The following CADM3 variants were observed in gnomAD, a reference collection of about 807,000 sequenced individuals.
The protein encoded by CADM3 is TSLC1-like 1.
CADM3 carries 11 observed loss-of-function variants against 44.9 expected under a neutral mutation model. The observed-to-expected ratio is 0.25, with a 90% confidence interval of 0.15 to 0.41. The LOEUF (loss-of-function observed/expected upper bound fraction) is 0.41, where lower values mean the gene tolerates loss of function less well. Ranked by LOEUF, CADM3 falls within the 10% of genes least tolerant of loss-of-function variation. The pLI, the probability that CADM3 is intolerant of heterozygous loss-of-function variation, is 1.00. For missense variants in CADM3, 426 were observed against 512.0 expected (o/e 0.83, Z 1.62); for synonymous variants, 207 against 205.2 (o/e 1.01, Z -0.08).
chr1:159,174,530 C>T (rs1648946508), intron 1 of CADM3, among the ~76,000 whole-genome samples: 2 of 152,164 alleles, frequency 1.3e-5, no homozygotes, highest in Non-Finnish European at 2.9e-5. Flanking sequence ...GGTAGCATAC[C>T]TATTCCCATT....
chr1:159,193,727 C>A, intron 4 of CADM3, 143 bp from the exon 5 acceptor site: 1 of 1,417,030 alleles, frequency 7.1e-7, no homozygotes. Context: ...CTACATTCTC[C>A]CTGCCACAAC....
At chr1:159,191,352 C>T (rs899576082) in intron 1 of CADM3, among the ~76,000 whole-genome samples, 4 of 152,094 alleles carry the variant, frequency 2.6e-5, no homozygotes, top group African/African-American at 7.2e-5. Flanking sequence ...TATTGTTAGA[C>T]GAATTGAAAT....
intron 5 of CADM3, 162 bp downstream of exon 5, chr1:159,194,202 T>C (rs1340194051): frequency 3.0e-6 from 2 of 661,846 alleles, no homozygotes; most frequent in Non-Finnish European, 5.0e-6. Flanking sequence ...GCAAACTCTT[T>C]ACAGAGGGCC....
intron 1 of CADM3, among the ~76,000 whole-genome samples, chr1:159,186,717 C>A (rs1015441659): frequency 2.0e-5 from 3 of 152,026 alleles, no homozygotes; most frequent in African/African-American, 7.3e-5. Context: ...TATAAAATGA[C>A]AGGATAACTT....
At chr1:159,197,309 T>A in intron 7 of CADM3, 1 of 430,158 alleles carries the variant, frequency 2.3e-6, no homozygotes. Flanking sequence ...GTGGCCTGGG[T>A]GACACCATCT....
rs1650268426 is a variant in CADM3, at chr1:159,202,557, T to A, written c.*1635T>A. ...CCCCACCCTTCCTTTTGATTTCCTG[T>A]CTTCCTTCTCGTGGCCCCAGCTGGT... On this transcript the variant is annotated 3_prime_UTR_variant, in exon 9 of 9. Transcript: ENST00000368125. 6.6e-6 allele frequency: 1 copy of A among 152,574 alleles called. No homozygotes were observed. Among genetic ancestry groups the A allele is most frequent in the Non-Finnish European group, 1.5e-5 (1 of 68,338 alleles). 9.5% of individuals were successfully genotyped at this position (152,574 alleles called of 1,614,324 possible). A position where few individuals can be genotyped will look rare whatever the true frequency, so the allele number is the denominator to read the frequency against.
chr1:159,193,409 C>T lies in CADM3; in HGVS notation c.383-14C>T, dbSNP rs1466874475. On this transcript the variant is annotated splice_polypyrimidine_tract_variant and intron_variant, in intron 3 of 8. Coordinates refer to ENST00000368125, the MANE Select transcript of CADM3 (RefSeq NM_001127173.3). ...CCTCTCCTTCCTATCCTGGCCATCC[C>T]CTATCCATGGCAGGAATTCCACAGA... The T allele has an allele frequency of 1.3e-6, 2 of 1,581,426 alleles. No individual in the cohort carries two copies. The highest frequency in any genetic ancestry group is 1.3e-5 in the African/African-American group (1 of 74,386).
At chr1:159,183,676 A>T (rs1471158159) in intron 1 of CADM3, among the ~76,000 whole-genome samples, 1 of 152,134 alleles carries the variant, frequency 6.6e-6, no homozygotes, top group Non-Finnish European at 1.5e-5. Context: ...TGAAAAAGGA[A>T]AAAATAGTAT....
intron 1 of CADM3, among the ~76,000 whole-genome samples, chr1:159,173,757 A>G (rs1323849052): frequency 6.6e-6 from 1 of 152,196 alleles, no homozygotes; most frequent in Non-Finnish European, 1.5e-5. Flanking sequence ...AGCAATGGGA[A>G]CTGATGGTGC....
At chr1:159,200,554 A>G (rs979311913) in intron 8 of CADM3, among the ~76,000 whole-genome samples, 1 of 112,382 alleles carries the variant, frequency 8.9e-6, no homozygotes, top group South Asian at 2.6e-4. Flanking sequence ...ACACACACAC[A>G]CTTCTCTTTC....
intron 1 of CADM3, among the ~76,000 whole-genome samples, chr1:159,188,164 C>T (rs1158169800): frequency 1.3e-5 from 2 of 151,916 alleles, no homozygotes; most frequent in Non-Finnish European, 2.9e-5. Flanking sequence ...GCCAGGGAAC[C>T]TCCGCAGCTG....
chr1:159,179,041 G>A (rs969276943), intron 1 of CADM3, among the ~76,000 whole-genome samples: 1 of 152,168 alleles, frequency 6.6e-6, no homozygotes, highest in African/African-American at 2.4e-5. Context: ...TTATCTCTAT[G>A]AGCGAGGCTT....
Position 159,193,451 on chromosome 1 carries a change from T to C in CADM3, c.411T>C (p.Gly137=). The C allele has an allele frequency of 6.2e-7, 1 of 1,610,256 alleles. No homozygotes were observed. Among genetic ancestry groups the C allele is most frequent in the Non-Finnish European group, 8.5e-7 (1 of 1,177,302 alleles). ...LGIPQKPIIT[G]YKSSLREKDT... ...TTCCACAGAAGCCCATCATCACTGG[T>C]TATAAATCTTCATTACGGGAAAAAG... is the stretch of plus-strand genomic sequence containing the variant. Residue 137 remains glycine (G), a synonymous_variant, in exon 4 of 9, where the codon GGT becomes GGC. Transcript: ENST00000368125.
chr1:159,192,995 T>C (rs565161622), intron 3 of CADM3, among the ~76,000 whole-genome samples: 2 of 152,328 alleles, frequency 1.3e-5, no homozygotes, highest in Admixed American at 6.5e-5. Flanking sequence ...TCATACCCCT[T>C]CTACTTACCT....
At chr1:159,180,493 G>A (rs1649186391) in intron 1 of CADM3, among the ~76,000 whole-genome samples, 1 of 152,106 alleles carries the variant, frequency 6.6e-6, no homozygotes, top group Admixed American at 6.5e-5. Context: ...CTGTGGACTT[G>A]GGAGAATGTA....
intron 1 of CADM3, among the ~76,000 whole-genome samples, chr1:159,191,344 T>C (rs965178934): frequency 6.6e-6 from 1 of 152,246 alleles, no homozygotes; most frequent in Non-Finnish European, 1.5e-5. Context: ...AGGGAAGTTA[T>C]TGTTAGACGA....
intron 1 of CADM3, among the ~76,000 whole-genome samples, chr1:159,181,983 C>T (rs937103020): frequency 6.6e-6 from 1 of 152,084 alleles, no homozygotes; most frequent in South Asian, 2.1e-4. Context: ...CTTCTGGCCC[C>T]TGTCTCCTGC....
intron 7 of CADM3, chr1:159,197,562 A>C (rs1399314950): frequency 6.6e-6 from 1 of 152,336 alleles, no homozygotes; most frequent in African/African-American, 2.4e-5. Flanking sequence ...AAGAGACAGA[A>C]TCTTTTCTCA....
intron 1 of CADM3, among the ~76,000 whole-genome samples, chr1:159,178,753 G>A (rs981927043): frequency 1.3e-5 from 2 of 152,278 alleles, no homozygotes; most frequent in East Asian, 3.9e-4. Context: ...ATCAAACGGC[G>A]TAGGGAGCTG....
Sources: allele counts gnomAD v4.1 joint callset (sites outside exome capture counted in the v4.1 genomes callset), GRCh38; gene constraint gnomAD v4.1.1; transcripts MANE v1.5; gene names NCBI Gene and HGNC (gene_info 2026-07-23, HGNC 2026-07-21).